SGCZ: variants seen among roughly 807,000 people sequenced by gnomAD.
SGCZ encodes sarcoglycan zeta.
In SGCZ, 40 loss-of-function variants were observed where a neutral mutation model predicts 41.3. That is an observed-to-expected ratio of 0.97 (90% CI 0.75 to 1.26). The LOEUF (loss-of-function observed/expected upper bound fraction) is 1.26, where lower values mean the gene tolerates loss of function less well. Ranked by LOEUF, SGCZ falls within the 50% of genes most tolerant of loss-of-function variation. The pLI is 0.00. For synonymous variants in SGCZ, 206 were observed against 137.5 expected (o/e 1.50, Z -3.49); for missense variants, 552 against 369.8 (o/e 1.49, Z -4.04).
chr8:15,076,047 A>T (rs893702608), intron 1 of SGCZ, among the ~76,000 whole-genome samples: 2 of 152,226 alleles, frequency 1.3e-5, no homozygotes, highest in Non-Finnish European at 2.9e-5. Flanking sequence ...TATAGCTTCT[A>T]ATAGATACTT....
chr8:14,223,042 T>G (rs1325458660), intron 4 of SGCZ, among the ~76,000 whole-genome samples: 1 of 151,694 alleles, frequency 6.6e-6, no homozygotes, highest in Non-Finnish European at 1.5e-5. Flanking sequence ...GAACTTCTGA[T>G]CTCATGATCC....
chr8:15,157,223 T>C (rs530220835), intron 1 of SGCZ, among the ~76,000 whole-genome samples: 14 of 151,982 alleles, frequency 9.2e-5, no homozygotes, highest in Admixed American at 2.0e-4. Context: ...ACTCACAATA[T>C]GATATTTTTC....
At chr8:14,542,068 C>T (rs1803486673) in intron 2 of SGCZ, among the ~76,000 whole-genome samples, 1 of 151,944 alleles carries the variant, frequency 6.6e-6, no homozygotes, top group African/African-American at 2.4e-5. Flanking sequence ...AAATTTTCTC[C>T]CATTCTGTAG....
rs556073065 is a variant in SGCZ, at chr8:14,140,521, C to T, written c.547+24059G>A. ...AAAAATCACAAGCATTCTTATACAT[C>T]AATAACAGACAAACAGAGAGCAAAA... On this transcript the variant is annotated intron_variant, in intron 5 of 7. Transcript: ENST00000382080. Among the ~76,000 whole-genome samples, 4 of 152,212 alleles carry T rather than the reference C, an allele frequency of 2.6e-5. No individual in the cohort carries two copies. The East Asian group carries it at 7.7e-4, about 29-fold the overall frequency.
chr8:14,602,404 T>C (rs1805622302), intron 1 of SGCZ, among the ~76,000 whole-genome samples: 1 of 151,906 alleles, frequency 6.6e-6, no homozygotes, highest in Admixed American at 6.6e-5. Flanking sequence ...GGGAGGTAAT[T>C]GGGAGGCCGA....
At chr8:14,689,151 A>G (rs1433943196) in intron 1 of SGCZ, among the ~76,000 whole-genome samples, 1 of 152,124 alleles carries the variant, frequency 6.6e-6, no homozygotes, top group African/African-American at 2.4e-5. Context: ...TTTTCTGAAG[A>G]GTAATTTTGA....
intron 2 of SGCZ, among the ~76,000 whole-genome samples, chr8:14,545,957 T>G (rs1402699727): frequency 6.6e-6 from 1 of 152,196 alleles, no homozygotes; most frequent in Non-Finnish European, 1.5e-5. Context: ...ACTTGGTAGT[T>G]GTTTGCACTT....
At chr8:14,872,037 A>T (rs559216139) in intron 1 of SGCZ, among the ~76,000 whole-genome samples, 2 of 152,124 alleles carry the variant, frequency 1.3e-5, no homozygotes, top group South Asian at 4.1e-4. Context: ...AAGAAGCTGG[A>T]AACCATCATT....
chr8:14,416,386 T>A (rs964398766), intron 2 of SGCZ, among the ~76,000 whole-genome samples: 1 of 151,898 alleles, frequency 6.6e-6, no homozygotes, highest in Non-Finnish European at 1.5e-5. Flanking sequence ...TAACAAATGA[T>A]CTTATTATAT....
intron 1 of SGCZ, among the ~76,000 whole-genome samples, chr8:15,083,815 A>G (rs1274552634): frequency 3.3e-5 from 5 of 152,044 alleles, no homozygotes; most frequent in Non-Finnish European, 5.9e-5. Context: ...GCTGGTCTCT[A>G]GCTCTTGGGC....
At chr8:15,096,679 T>TTTTAC (rs1563122972) in intron 1 of SGCZ, among the ~76,000 whole-genome samples, 1 of 151,966 alleles carries the variant, frequency 6.6e-6, no homozygotes, top group Non-Finnish European at 1.5e-5. Flanking sequence ...TATGTTACCT[T>TTTTAC]TTTATTTTAT....
chr8:14,199,309 C>A (rs532758018), intron 4 of SGCZ, among the ~76,000 whole-genome samples: 21 of 152,282 alleles, frequency 1.4e-4, no homozygotes, highest in African/African-American at 4.8e-4. Context: ...CTTATTAGGA[C>A]AAGGAAATTC....
intron 4 of SGCZ, among the ~76,000 whole-genome samples, chr8:14,215,210 TAGC>T (rs1472495764): frequency 6.6e-6 from 1 of 152,110 alleles, no homozygotes; most frequent in African/African-American, 2.4e-5. Flanking sequence ...ATTAGAAAGG[TAGC>T]AGGAAAATTT....
intron 1 of SGCZ, among the ~76,000 whole-genome samples, chr8:15,088,955 T>C (rs1162457761): frequency 6.6e-6 from 1 of 152,180 alleles, no homozygotes; most frequent in East Asian, 1.9e-4. Flanking sequence ...TGACGTCACG[T>C]AGTCATAGGT....
chr8:14,688,533 T>C (rs1424288467), intron 1 of SGCZ, among the ~76,000 whole-genome samples: 9 of 152,150 alleles, frequency 5.9e-5, no homozygotes. Flanking sequence ...CTGAGGGCTC[T>C]GTTCTGTTCC....
intron 2 of SGCZ, among the ~76,000 whole-genome samples, chr8:14,398,135 CAA>C (rs1349400243): frequency 5.3e-5 from 8 of 152,064 alleles, no homozygotes; most frequent in African/African-American, 9.7e-5. Context: ...TCTGGAAAAA[CAA>C]AAGAGTGGAA....
intron 1 of SGCZ, among the ~76,000 whole-genome samples, chr8:15,118,536 G>A (rs910740835): frequency 6.6e-6 from 1 of 152,158 alleles, no homozygotes; most frequent in Non-Finnish European, 1.5e-5. Context: ...ATGGGTTTAT[G>A]TAAACCTGTC....
At chr8:15,104,519 T>C (rs1237861509) in intron 1 of SGCZ, among the ~76,000 whole-genome samples, 1 of 152,178 alleles carries the variant, frequency 6.6e-6, no homozygotes, top group Non-Finnish European at 1.5e-5. Flanking sequence ...AAAGTAAAAT[T>C]CTCTTTCTTG....
chr8:14,302,047 T>G (rs1029068736), intron 3 of SGCZ, among the ~76,000 whole-genome samples: 1 of 152,146 alleles, frequency 6.6e-6, no homozygotes, highest in Non-Finnish European at 1.5e-5. Context: ...TTCACACACA[T>G]TGTGACCTAA....
Sources: allele counts gnomAD v4.1 joint callset (sites outside exome capture counted in the v4.1 genomes callset), GRCh38; gene constraint gnomAD v4.1.1; transcripts MANE v1.5; gene names NCBI Gene and HGNC (gene_info 2026-07-23, HGNC 2026-07-21).